Variants in SCOC observed in about 807,000 individuals in gnomAD.
SCOC encodes short coiled-coil protein.
SCOC carries 7 observed loss-of-function variants against 9.9 expected under a neutral mutation model. The ratio of observed to expected loss-of-function variants is 0.71; its 90% CI spans 0.40 to 1.33. The LOEUF is 1.33. Among genes scored for constraint, SCOC ranks in the 40% most tolerant of loss-of-function variants. The pLI is 0.01. For missense variants in SCOC, 66 were observed against 89.7 expected, an observed-to-expected ratio of 0.74 and a Z score of 1.07; for synonymous variants, 19 against 28.2, an observed-to-expected ratio of 0.67 and a Z score of 1.03.
At chr4:140,309,640 A>G (rs1303827161) in intron 1 of SCOC, among the ~76,000 whole-genome samples, 3 of 152,228 alleles carry the variant, frequency 2.0e-5, no homozygotes, top group Admixed American at 2.0e-4. Flanking sequence ...CTTCTTTGCC[A>G]TTCCTTAAAG....
At chr4:140,269,344 C>T (rs1730793513) in intron 1 of SCOC, among the ~76,000 whole-genome samples, 1 of 152,120 alleles carries the variant, frequency 6.6e-6, no homozygotes, top group Admixed American at 6.5e-5. Flanking sequence ...TCATAAAAGG[C>T]CATGTAGCTT....
chr4:140,345,812 T>G (rs1244609958), intron 2 of SCOC, among the ~76,000 whole-genome samples: 1 of 152,094 alleles, frequency 6.6e-6, no homozygotes, highest in Non-Finnish European at 1.5e-5. Flanking sequence ...ACAGAGCCAA[T>G]TAGAGGCAGA....
chr4:140,278,914 G>A (rs546587322), intron 1 of SCOC, among the ~76,000 whole-genome samples: 4 of 139,486 alleles, frequency 2.9e-5, no homozygotes, highest in Non-Finnish European at 3.0e-5. Context: ...CAATCATGTC[G>A]TCCTCCCCTT....
At chr4:140,293,910 C>G (rs1397660595) in intron 1 of SCOC, among the ~76,000 whole-genome samples, 1 of 152,162 alleles carries the variant, frequency 6.6e-6, no homozygotes, top group African/African-American at 2.4e-5. Flanking sequence ...GGAAGTTGTC[C>G]AGGCAGCAAA....
intron 1 of SCOC, chr4:140,374,353 T>G: frequency 2.9e-6 from 1 of 348,340 alleles, no homozygotes; most frequent in Non-Finnish European, 5.7e-6. Flanking sequence ...AACCTCACAC[T>G]ATTACGCAAC....
rs7695590 is a variant in SCOC at position 140,317,643 on chromosome 4, T to C, written c.-18-25978T>C. 5.0e-3 allele frequency among the ~76,000 whole-genome samples: 718 copies of C among 144,158 alleles called. 2 individuals carry two copies. The highest frequency in any genetic ancestry group is 9.0e-3 in the Admixed American group (130 of 14,490). The allele number at this position is 144,158 out of a possible 152,430, so 94.6% of individuals were successfully genotyped here. ...AGCCCTTCCTTCTTTTTTTTTTTTT[T>C]CTACTGTTTGCATTTTTATTTTATT... is the stretch of plus-strand genomic sequence containing the variant. On this transcript the variant is annotated intron_variant, in intron 1 of 4. Transcript: ENST00000394205.
chr4:140,294,876 T>C (rs933622823), intron 1 of SCOC, among the ~76,000 whole-genome samples: 2 of 152,236 alleles, frequency 1.3e-5, no homozygotes, highest in African/African-American at 4.8e-5. Flanking sequence ...CTCTTATAAC[T>C]ATTTCTTCTC....
intron 1 of SCOC, 125 bp downstream of exon 1, chr4:140,373,842 G>C (rs1728189560): frequency 9.4e-7 from 1 of 1,069,452 alleles, no homozygotes. Context: ...GGCCCGGGAG[G>C]AGCGGTCTCG....
chr4:140,292,053 C>A (rs968215568), intron 1 of SCOC, among the ~76,000 whole-genome samples: 1 of 152,078 alleles, frequency 6.6e-6, no homozygotes, highest in Non-Finnish European at 1.5e-5. Flanking sequence ...CACCCTCTGC[C>A]TCCTGCTCCT....
At chr4:140,323,477 G>A (rs1478400186) in intron 1 of SCOC, among the ~76,000 whole-genome samples, 1 of 152,090 alleles carries the variant, frequency 6.6e-6, no homozygotes, top group Non-Finnish European at 1.5e-5. Context: ...TCATAAATTT[G>A]ATAAGTCACT....
At chr4:140,324,262 A>T (rs1732582200) in intron 1 of SCOC, among the ~76,000 whole-genome samples, 1 of 152,204 alleles carries the variant, frequency 6.6e-6, no homozygotes, top group African/African-American at 2.4e-5. Flanking sequence ...TAAGAGTAAA[A>T]TACTGAATGT....
intron 1 of SCOC, among the ~76,000 whole-genome samples, chr4:140,303,455 G>A (rs1731871881): frequency 1.3e-5 from 2 of 152,202 alleles, no homozygotes; most frequent in African/African-American, 2.4e-5. Context: ...TTGGAGCCCA[G>A]GGGTGACTAC....
At chr4:140,320,407 G>A (rs761380629) in intron 1 of SCOC, among the ~76,000 whole-genome samples, 68 of 152,268 alleles carry the variant, frequency 4.5e-4, no homozygotes, top group Non-Finnish European at 7.9e-4. Flanking sequence ...ATTCTTTTAT[G>A]CCTCTACTTT....
intron 1 of SCOC, among the ~76,000 whole-genome samples, chr4:140,278,534 T>C (rs1731034486): frequency 6.6e-6 from 1 of 152,044 alleles, no homozygotes; most frequent in African/African-American, 2.4e-5. Flanking sequence ...CTCCTGACCT[T>C]GTTGTCCACC....
chr4:140,282,641 G>A (rs1227362544), intron 1 of SCOC, among the ~76,000 whole-genome samples: 1 of 152,164 alleles, frequency 6.6e-6, no homozygotes, highest in East Asian at 1.9e-4. Context: ...ACTATAGGGG[G>A]GCGATGCTCC....
At chr4:140,368,925 G>A (rs1187490507), upstream of SCOC, among the ~76,000 whole-genome samples, 2 of 151,844 alleles carry the variant, frequency 1.3e-5, no homozygotes, top group African/African-American at 4.8e-5. Context: ...GTGAACTGGA[G>A]TCTCACGTTT....
chr4:140,348,324 A>G (rs771244351), intron 2 of SCOC, among the ~76,000 whole-genome samples: 1 of 152,072 alleles, frequency 6.6e-6, no homozygotes, highest in African/African-American at 2.4e-5. Context: ...TCACCCTCCA[A>G]CCTCTGATAA....
At chr4:140,257,610 T>A (rs917335550) in intron 1 of SCOC, among the ~76,000 whole-genome samples, 1 of 152,142 alleles carries the variant, frequency 6.6e-6, no homozygotes, top group Non-Finnish European at 1.5e-5. Flanking sequence ...GGAGCCTGGG[T>A]TGTGTAAATA....
intron 1 of SCOC, among the ~76,000 whole-genome samples, chr4:140,268,108 G>A (rs1156504689): frequency 6.6e-6 from 1 of 152,198 alleles, no homozygotes; most frequent in Non-Finnish European, 1.5e-5. Context: ...ATTTGGGATG[G>A]GGTGAAGGAT....
Sources: allele counts gnomAD v4.1 joint callset (sites outside exome capture counted in the v4.1 genomes callset), GRCh38; gene constraint gnomAD v4.1.1; transcripts MANE v1.5; gene names NCBI Gene and HGNC (gene_info 2026-07-23, HGNC 2026-07-21).